Variants in HCFC2 observed in about 807,000 individuals in gnomAD.
HCFC2 encodes host cell factor C2.
In HCFC2, 18 loss-of-function variants were observed where a neutral mutation model predicts 89.2. The observed-to-expected ratio is 0.20, with a 90% CI of 0.14 to 0.30. The LOEUF (loss-of-function observed/expected upper bound fraction) is 0.30. Ranked by LOEUF, HCFC2 falls within the 10% of genes least tolerant of loss-of-function variation. HCFC2 has a pLI of 1.00. For missense variants in HCFC2, 578 were observed against 956.1 expected, an observed-to-expected ratio of 0.60 and a Z score of 5.21; for synonymous variants, 308 against 335.7, an observed-to-expected ratio of 0.92 and a Z score of 0.90.
chr12:104,091,088 T>G (rs1374025082), intron 9 of HCFC2: 2 of 152,266 alleles, frequency 1.3e-5, no homozygotes, highest in Non-Finnish European at 2.9e-5. Context: ...TGTTCAGCAT[T>G]TAGACTTTCA....
In HCFC2 at chr12:104,104,052, T is replaced by C. The variant is rs1346984229; in HGVS notation, c.*779T>C. The C allele has an allele frequency of 6.6e-6, 1 of 152,076 alleles. No individual in the cohort carries two copies. The highest frequency in any genetic ancestry group is 2.4e-5 in the African/African-American group (1 of 41,442). 9.4% of individuals were successfully genotyped at this position (152,076 alleles called of 1,614,324 possible). On this transcript the variant is annotated 3_prime_UTR_variant, in exon 15 of 15. Coordinates refer to ENST00000229330, the MANE Select transcript of HCFC2 (RefSeq NM_013320.3). Reference sequence around the variant, plus strand: ...GGTCCCTTTCAGCACTAAGGTTTTGTGTTTTTAGTAGAAGTGAAGTATGTC... The same window carrying C: ...GGTCCCTTTCAGCACTAAGGTTTTGCGTTTTTAGTAGAAGTGAAGTATGTC...
chr12:104,078,336 C>T (rs1056169972), intron 3 of HCFC2, among the ~76,000 whole-genome samples: 4 of 152,092 alleles, frequency 2.6e-5, no homozygotes, highest in Non-Finnish European at 4.4e-5. Context: ...TTTCTTTTTC[C>T]TAGATAACAT....
At position 104,077,706 on chromosome 12, in the gene HCFC2, C is replaced by T. The variant is rs1038550749; in HGVS notation, c.474-1739C>T. Among the ~76,000 whole-genome samples the T allele has an allele frequency of 4.0e-5, 6 of 151,896 alleles. No homozygotes were observed. In the East Asian group the frequency reaches 7.7e-4, roughly 20 times the overall value. Reference sequence around the variant, plus strand: ...ATTATATGTGCTAATTTTGTGCATACCTTAGTTGCTTGGAAATTAACACAT... The same window carrying T: ...ATTATATGTGCTAATTTTGTGCATATCTTAGTTGCTTGGAAATTAACACAT... On this transcript the variant is annotated intron_variant, in intron 3 of 14. Coordinates refer to ENST00000229330, the MANE Select transcript of HCFC2 (RefSeq NM_013320.3).
At chr12:104,089,509 C>T (rs886462258) in intron 9 of HCFC2, among the ~76,000 whole-genome samples, 4 of 152,094 alleles carry the variant, frequency 2.6e-5, no homozygotes, top group African/African-American at 7.2e-5. Context: ...GAGCAAGACT[C>T]CGTCTCAAAA....
chr12:104,074,003 A>T (rs1473744682), intron 3 of HCFC2, among the ~76,000 whole-genome samples: 1 of 152,218 alleles, frequency 6.6e-6, no homozygotes, highest in Admixed American at 6.5e-5. Flanking sequence ...AATATTTACT[A>T]TCGGACCCTT....
chr12:104,096,460 A>G (rs1884181586), intron 12 of HCFC2, 27 bp downstream of exon 12: 3 of 1,462,866 alleles, frequency 2.1e-6, no homozygotes, highest in African/African-American at 2.8e-5. Context: ...GTGATGATGC[A>G]TGTTTACACA....
Position 104,074,791 on chromosome 12 carries a change from A to T in HCFC2, c.474-4654A>T, listed in dbSNP as rs544022157. ...GGTGCTATTGTAATCTGATTTGAGTATCAGGATTATGTTATCCTTGAAAAT... is the reference window on the plus strand; with the variant it reads ...GGTGCTATTGTAATCTGATTTGAGTTTCAGGATTATGTTATCCTTGAAAAT... On this transcript the variant is annotated intron_variant, in intron 3 of 14. Coordinates refer to ENST00000229330, the MANE Select transcript of HCFC2 (RefSeq NM_013320.3). Among the ~76,000 whole-genome samples the T allele has an allele frequency of 6.6e-5, 10 of 152,306 alleles. No homozygotes were observed. The South Asian group carries it at 2.1e-3, about 32-fold the overall frequency.
intron 12 of HCFC2, 64 bp downstream of exon 12, chr12:104,096,497 A>G (rs1884182870): frequency 1.0e-5 from 11 of 1,084,516 alleles, no homozygotes; most frequent in South Asian, 8.4e-5. Flanking sequence ...AATGCTGAGC[A>G]ACTTCTAAAT....
At position 104,103,544 on chromosome 12, in the gene HCFC2, C is replaced by A. The variant is rs1402912413; in HGVS notation, c.*271C>A. 2.7e-6 allele frequency: 1 copy of A among 375,756 alleles called. No homozygotes were observed. The highest frequency in any genetic ancestry group is 4.8e-6 in the Non-Finnish European group (1 of 207,246). The allele number at this position is 375,756 out of a possible 1,614,324, so 23.3% of individuals were successfully genotyped here. A position where few individuals can be genotyped will look rare whatever the true frequency, so the allele number is the denominator to read the frequency against. On this transcript the variant is annotated 3_prime_UTR_variant, in exon 15 of 15. Coordinates refer to ENST00000229330, the MANE Select transcript of HCFC2 (RefSeq NM_013320.3). ...TGAAATTAAGATAAAAGCTAGAAAG[C>A]TTTATTACCCCAATATCTTTTATAA...
At chr12:104,093,132 T>C (rs1325666737) in intron 9 of HCFC2, among the ~76,000 whole-genome samples, 1 of 152,234 alleles carries the variant, frequency 6.6e-6, no homozygotes, top group East Asian at 1.9e-4. Context: ...GTAGTTTTTT[T>C]TCCTCAAAAT....
At position 104,093,405 on chromosome 12, in the gene HCFC2, G is replaced by A. The variant is rs202212280; in HGVS notation, c.1304G>A (p.Ser435Asn). ...VPNSINDTIN[S>N]TKTEQPATKE... ...TTGTAGATCAATGATACAATAAACA[G>A]CACAAAAACTGAACAGCCAGCCACA... Residue 435 changes from serine to asparagine, a missense_variant, in exon 10 of 15, where the codon AGC becomes AAC. This residue lies in a region of HCFC2 where 210 missense variants were observed against 251.7 expected (regional missense o/e 0.83). Coordinates refer to ENST00000229330, the MANE Select transcript of HCFC2 (RefSeq NM_013320.3). 1.0e-4 allele frequency: 166 copies of A among 1,612,410 alleles called. 2 individuals are homozygous for A. The highest frequency in any genetic ancestry group is 8.3e-4 in the Middle Eastern group (5 of 6,050).
Position 104,082,569 on chromosome 12 carries a change from A to G in HCFC2, c.837A>G (p.Glu279=). The change falls in exon 6 of 15, where the codon GAA becomes GAG. Residue 279 remains glutamate (E), a synonymous_variant. Coordinates refer to ENST00000229330, the MANE Select transcript of HCFC2 (RefSeq NM_013320.3). ...ENTETSPHDC[E]WRCTSSFSYL... Reference sequence around the variant, plus strand: ...CTGAGACTTCACCTCATGATTGTGAATGGAGATGTACCAGTTCATTTTCTT... The same window carrying G: ...CTGAGACTTCACCTCATGATTGTGAGTGGAGATGTACCAGTTCATTTTCTT... The G allele has an allele frequency of 6.2e-7, 1 of 1,613,744 alleles. No individual in the cohort carries two copies. Among genetic ancestry groups the G allele is most frequent in the Middle Eastern group, 1.7e-4 (1 of 6,058 alleles).
chr12:104,066,823 T>C (rs1263173218), intron 2 of HCFC2, among the ~76,000 whole-genome samples: 4 of 152,222 alleles, frequency 2.6e-5, no homozygotes, highest in African/African-American at 9.6e-5. Flanking sequence ...AGTCTTGCTC[T>C]GTCACCCAGG....
chr12:104,084,039 A>C (rs1191314765), intron 7 of HCFC2, among the ~76,000 whole-genome samples: 1 of 152,180 alleles, frequency 6.6e-6, no homozygotes, highest in Non-Finnish European at 1.5e-5. Flanking sequence ...AAAGGGGGAA[A>C]ATAATTATTA....
intron 7 of HCFC2, among the ~76,000 whole-genome samples, chr12:104,086,619 AAAATAAATAAAT>A (rs58372181): frequency 0.054 from 7,888 of 146,536 alleles, 328 homozygotes; most frequent in Admixed American, 0.13. Context: ...TTTGTCTAAG[AAAATAAATAAAT>A]AAATAAATAA....
rs1031327291 is a variant in HCFC2, at chr12:104,105,070, G to A, written c.*1797G>A. The A allele has an allele frequency of 6.6e-6, 1 of 151,946 alleles. No individual in the cohort carries two copies. Among genetic ancestry groups the A allele is most frequent in the Non-Finnish European group, 1.5e-5 (1 of 67,856 alleles). 9.4% of individuals were successfully genotyped at this position (151,946 alleles called of 1,614,324 possible). On this transcript the variant is annotated 3_prime_UTR_variant, in exon 15 of 15. Coordinates refer to ENST00000229330, the MANE Select transcript of HCFC2 (RefSeq NM_013320.3). ...CTCATTATTATGTTTGTAATCATTT[G>A]TCTAGCTTCTGTAATGTATCTGATA...
At chr12:104,088,960 C>CT (rs1007661949) in intron 9 of HCFC2, among the ~76,000 whole-genome samples, 10 of 152,146 alleles carry the variant, frequency 6.6e-5, no homozygotes, top group Non-Finnish European at 1.5e-4. Context: ...GAAGCAACTA[C>CT]TTTAAACTAT....
rs1319017882 is a variant in HCFC2, at chr12:104,093,471, T to A, written c.1370T>A (p.Leu457Gln). The A allele has an allele frequency of 6.2e-7, 1 of 1,613,402 alleles. No homozygotes were observed. Among genetic ancestry groups the A allele is most frequent in the Admixed American group, 1.7e-5 (1 of 59,994 alleles). ...AAAAACAAACCAGACTTTAAAGCACTGACGGATTCTAATGCCATTTTATAT... is the reference window on the plus strand; with the variant it reads ...AAAAACAAACCAGACTTTAAAGCACAGACGGATTCTAATGCCATTTTATAT... ...SMKNKPDFKA[L>Q]TDSNAILYPS... is the part of the protein sequence containing the mutation. Residue 457 changes from leucine to glutamine, a missense_variant, in exon 10 of 15, where the codon CTG becomes CAG. By Grantham distance (113) the Leu-to-Gln change is moderately radical (BLOSUM62 -2). Around this residue, in one of 4 missense-constraint regions of HCFC2, gnomAD observed 210 missense variants for 251.7 expected, o/e 0.83. Coordinates refer to ENST00000229330, the MANE Select transcript of HCFC2 (RefSeq NM_013320.3).
chr12:104,079,741 T>C (rs1215126534), intron 4 of HCFC2, 88 bp downstream of exon 4: 9 of 992,388 alleles, frequency 9.1e-6, no homozygotes, highest in Non-Finnish European at 1.4e-5. Flanking sequence ...TATTGAGTTG[T>C]ACTTAGATTT....
Sources: gnomAD v4.1 joint callset for allele counts (sites outside exome capture counted in the v4.1 genomes callset) on GRCh38, gnomAD v4.1.1 for gene constraint, gnomAD v4.1.1 regional missense constraint, MANE v1.5 for transcripts, NCBI Gene and HGNC (gene_info 2026-07-23, HGNC 2026-07-21) for gene names.